The following EIF3H variants were observed in gnomAD, a reference collection of about 807,000 sequenced individuals.
EIF3H encodes the protein eIF-3-gamma.
In EIF3H, 26 loss-of-function variants were observed where a neutral mutation model predicts 44.2. That is an observed-to-expected ratio of 0.59 (90% CI 0.43 to 0.82). EIF3H has a LOEUF of 0.82. Ranked by LOEUF, EIF3H falls within the 40% of genes least tolerant of loss-of-function variation. The probability of loss-of-function intolerance (pLI) is 0.00; values close to 1 mark genes in which losing one functional copy is unlikely to be tolerated. For missense variants in EIF3H, 359 were observed against 432.8 expected (o/e 0.83, Z 1.51); for synonymous variants, 166 against 151.9 (o/e 1.09, Z -0.68).
At chr8:116,675,239 A>C (rs557803972) in intron 2 of EIF3H, among the ~76,000 whole-genome samples, 1 of 152,336 alleles carries the variant, frequency 6.6e-6, no homozygotes, top group African/African-American at 2.4e-5. Context: ...TATTTCAGAC[A>C]TATGTCACTG....
chr8:116,719,182 A>T (rs1363273625), intron 2 of EIF3H, among the ~76,000 whole-genome samples: 1 of 152,188 alleles, frequency 6.6e-6, no homozygotes, highest in Non-Finnish European at 1.5e-5. Context: ...GCACTTGGCA[A>T]GTTTGTAATC....
rs137961417 is a variant in EIF3H at position 116,713,218 on chromosome 8, C to T, written c.289+12798G>A. 6.6e-5 allele frequency among the ~76,000 whole-genome samples: 10 copies of T among 152,200 alleles called. No homozygotes were observed. In the East Asian group the frequency reaches 1.9e-3, roughly 29 times the overall value. ...TTAGGAATTTTAAATACTATTTAAG[C>T]ACTGTATCCACCTGTAATTTTCAAA... On this transcript the variant is annotated intron_variant, in intron 2 of 7. Transcript: ENST00000521861.
chr8:116,716,496 A>T (rs955676247), intron 2 of EIF3H, among the ~76,000 whole-genome samples: 1 of 152,150 alleles, frequency 6.6e-6, no homozygotes, highest in African/African-American at 2.4e-5. Context: ...CGTCAAGATT[A>T]AAGGTAACAT....
chr8:116,682,095 A>T (rs958121616), intron 2 of EIF3H, among the ~76,000 whole-genome samples: 2 of 152,230 alleles, frequency 1.3e-5, no homozygotes, highest in Non-Finnish European at 2.9e-5. Flanking sequence ...GCATAAAAGC[A>T]GCGTCCATCC....
chr8:116,765,110 C>T (rs1231853509), intron 1 of EIF3H, among the ~76,000 whole-genome samples: 1 of 152,062 alleles, frequency 6.6e-6, no homozygotes, highest in Non-Finnish European at 1.5e-5. Context: ...TATCTCGTTT[C>T]TCTGTCTGTG....
chr8:116,669,916 T>C (rs982529457), intron 2 of EIF3H, among the ~76,000 whole-genome samples: 1 of 152,142 alleles, frequency 6.6e-6, no homozygotes, highest in African/African-American at 2.4e-5. Flanking sequence ...ACACTCTGCT[T>C]CTACCAAACA....
At chr8:116,710,181 A>G (rs1814550471) in intron 2 of EIF3H, among the ~76,000 whole-genome samples, 1 of 152,216 alleles carries the variant, frequency 6.6e-6, no homozygotes, top group Non-Finnish European at 1.5e-5. Flanking sequence ...GGAAATTCAC[A>G]TGACAGGCTT....
chr8:116,734,180 C>G, intron 1 of EIF3H: 2 of 439,930 alleles, frequency 4.5e-6, no homozygotes, highest in Non-Finnish European at 9.1e-6. Flanking sequence ...AGCCACTATT[C>G]TAGAATGACA....
At chr8:116,689,002 C>T (rs1322061467) in intron 2 of EIF3H, 3 of 382,458 alleles carry the variant, frequency 7.8e-6, no homozygotes, top group African/African-American at 6.3e-5. Flanking sequence ...TTTGTACACA[C>T]AGATTTACAG....
intron 1 of EIF3H, among the ~76,000 whole-genome samples, chr8:116,746,238 T>C (rs1815232896): frequency 6.6e-6 from 1 of 152,196 alleles, no homozygotes; most frequent in Non-Finnish European, 1.5e-5. Flanking sequence ...GACACCTGAG[T>C]TCTGAAAAAC....
intron 2 of EIF3H, among the ~76,000 whole-genome samples, chr8:116,698,100 CTA>C (rs1476165345): frequency 3.3e-5 from 5 of 152,176 alleles, no homozygotes; most frequent in Non-Finnish European, 7.3e-5. Flanking sequence ...ACTCCAGAGA[CTA>C]TGTCTTGATC....
At chr8:116,718,487 A>G (rs1814689794) in intron 2 of EIF3H, among the ~76,000 whole-genome samples, 1 of 151,880 alleles carries the variant, frequency 6.6e-6, no homozygotes, top group African/African-American at 2.4e-5. Flanking sequence ...TCAATCAATC[A>G]GTGGATAAAG....
chr8:116,762,801 G>A (rs546377107), intron 1 of EIF3H, among the ~76,000 whole-genome samples: 29 of 152,258 alleles, frequency 1.9e-4, no homozygotes, highest in Middle Eastern at 3.4e-3. Flanking sequence ...AAAATTAGCC[G>A]GGCATGGTGG....
At position 116,644,016 on chromosome 8, in the gene EIF3H, T is replaced by A. The variant is rs1813260924; in HGVS notation, c.*990A>T. The A allele has an allele frequency of 6.6e-6, 1 of 152,252 alleles. No individual in the cohort carries two copies. The highest frequency in any genetic ancestry group is 6.5e-5 in the Admixed American group (1 of 15,284). 9.4% of individuals were successfully genotyped at this position (152,252 alleles called of 1,614,324 possible). A position where few individuals can be genotyped will look rare whatever the true frequency, so the allele number is the denominator to read the frequency against. On this transcript the variant is annotated 3_prime_UTR_variant, in exon 8 of 8. Transcript: ENST00000521861. ...TGTTAGCAGAATTATACTTCATGGT[T>A]TCGGAAGACAAATGTGAAGTCCTAA...
chr8:116,755,654 A>C lies in EIF3H; in HGVS notation c.132+12T>G, dbSNP rs1372262583. The C allele has an allele frequency of 2.5e-6, 4 of 1,613,832 alleles. No homozygotes were observed. The highest frequency in any genetic ancestry group is 3.3e-5 in the Admixed American group (2 of 59,982). On this transcript the variant is annotated intron_variant, in intron 1 of 7. Transcript: ENST00000521861. Reference sequence around the variant, plus strand: ...TCCCCACGTGGGCCAGAGGAAAAAGAACAGCACTCACAAGGCCATCTATCT... The same window carrying C: ...TCCCCACGTGGGCCAGAGGAAAAAGCACAGCACTCACAAGGCCATCTATCT...
intron 1 of EIF3H, among the ~76,000 whole-genome samples, chr8:116,734,681 T>C (rs1430553526): frequency 6.6e-6 from 1 of 152,020 alleles, no homozygotes; most frequent in Non-Finnish European, 1.5e-5. Flanking sequence ...TCAGCCTCCC[T>C]AGTAGCTGGA....
intron 1 of EIF3H, among the ~76,000 whole-genome samples, chr8:116,753,587 A>G (rs962009661): frequency 1.3e-5 from 2 of 152,230 alleles, no homozygotes; most frequent in African/African-American, 4.8e-5. Context: ...CAATTCTGAG[A>G]GAGCTGATAA....
chr8:116,657,509 T>C (rs1028830177), intron 3 of EIF3H, 195 bp from the exon 4 acceptor site: 12 of 576,604 alleles, frequency 2.1e-5, no homozygotes, highest in Non-Finnish European at 3.7e-5. Context: ...GGAATACCTC[T>C]ATCCTACTTA....
chr8:116,678,852 G>A (rs906087410), intron 2 of EIF3H, among the ~76,000 whole-genome samples: 2 of 144,762 alleles, frequency 1.4e-5, no homozygotes, highest in Admixed American at 6.7e-5. Context: ...ACCCCGACCG[G>A]GAGGGAGGTG....
Sources: gnomAD v4.1 joint callset for allele counts (sites outside exome capture counted in the v4.1 genomes callset) on GRCh38, gnomAD v4.1.1 for gene constraint, MANE v1.5 for transcripts, NCBI Gene and HGNC (gene_info 2026-07-23, HGNC 2026-07-21) for gene names.